Variants in ZBTB4 observed in about 807,000 individuals in gnomAD.
ZBTB4 encodes the protein zinc finger and BTB domain-containing protein 4.
A neutral mutation model predicts 59.8 loss-of-function variants in ZBTB4; 14 were observed. The observed-to-expected ratio is 0.23, with a 90% CI of 0.15 to 0.37. ZBTB4 has a LOEUF of 0.37. Ranked by LOEUF, ZBTB4 falls within the 10% of genes least tolerant of loss-of-function variation. The pLI is 1.00. For missense variants in ZBTB4, 1,198 were observed against 1,380.8 expected, an observed-to-expected ratio of 0.87 and a Z score of 2.10; for synonymous variants, 587 against 575.2, an observed-to-expected ratio of 1.02 and a Z score of -0.29.
chr17:7,477,576 C>G (rs2070286080), intron 1 of ZBTB4, among the ~76,000 whole-genome samples: 1 of 152,180 alleles, frequency 6.6e-6, no homozygotes. Flanking sequence ...TGCACTTGCA[C>G]ACACACCCCT....
At chr17:7,472,348 G>A (rs1377313971) in intron 1 of ZBTB4, among the ~76,000 whole-genome samples, 1 of 151,936 alleles carries the variant, frequency 6.6e-6, no homozygotes, top group Non-Finnish European at 1.5e-5. Flanking sequence ...CTGCCACCAC[G>A]TCCGGCTAAT....
intron 1 of ZBTB4, among the ~76,000 whole-genome samples, chr17:7,476,975 A>G (rs1336516387): frequency 6.6e-6 from 1 of 152,174 alleles, no homozygotes; most frequent in Non-Finnish European, 1.5e-5. Flanking sequence ...TTCACCTCTT[A>G]CTAGCTAAGT....
rs1452528706 is a variant in ZBTB4 at position 7,463,373 on chromosome 17, C to G, written c.1609G>C (p.Ala537Pro). Residue 537 changes from alanine to proline, a missense_variant, in exon 4 of 4, where the codon GCC becomes CCC. Physicochemically the swap from Ala to Pro is conservative, Grantham distance 27. This residue lies in a region of ZBTB4 where 550 missense variants were observed against 541.8 expected (regional missense o/e 1.02). Coordinates refer to ENST00000380599, the MANE Select transcript of ZBTB4 (RefSeq NM_001128833.2). ...PEPAATPTSP[A>P]TAVSPATAAG... Reference sequence around the variant, plus strand: ...GCGGTGGCTGGGCTGACTGCTGTGGCTGGGCTGGTGGGTGTGGCTGCAGGC... The same window carrying G: ...GCGGTGGCTGGGCTGACTGCTGTGGGTGGGCTGGTGGGTGTGGCTGCAGGC... 2 of 1,603,682 alleles carry G rather than the reference C, an allele frequency of 1.2e-6. No homozygotes were observed. Among genetic ancestry groups the G allele is most frequent in the Admixed American group, 3.4e-5 (2 of 58,364 alleles).
chr17:7,482,999 TG>T (rs1293532677), upstream of ZBTB4: 1 of 1,610,540 alleles, frequency 6.2e-7, no homozygotes, highest in Non-Finnish European at 8.5e-7. Flanking sequence ...GGTGGAGGAG[TG>T]AGATAGAACT....
chr17:7,477,833 T>C (rs1381610762), intron 1 of ZBTB4, among the ~76,000 whole-genome samples: 4 of 152,140 alleles, frequency 2.6e-5, no homozygotes, highest in African/African-American at 9.7e-5. Context: ...AAGGAGCCTC[T>C]CTGTCTAAGC....
chr17:7,462,268 TC>T lies in ZBTB4; in HGVS notation c.2713del (p.Asp905ThrfsTer6). The T allele has an allele frequency of 6.2e-7, 1 of 1,613,198 alleles. No homozygotes were observed. The highest frequency in any genetic ancestry group is 8.5e-7 in the Non-Finnish European group (1 of 1,179,728). The part of the protein sequence containing the change: ...SEGPVGAGEG[D>X]RMEGIGAAKV... The stretch of plus-strand genomic sequence containing the variant: ...GGCAGCCCCTATCCCCTCCATCCGG[TC>T]CCCCTCACCAGCCCCCACTGGCCCT... On this transcript the variant is annotated frameshift_variant, in exon 4 of 4. Coordinates refer to ENST00000380599, the MANE Select transcript of ZBTB4 (RefSeq NM_001128833.2). LOFTEE classifies it high-confidence loss of function. This position sits in a 1 kb window ranked among gnomAD's most constrained non-coding sequence, Gnocchi z 7.5.
upstream of ZBTB4, chr17:7,482,079 A>G: frequency 1.2e-6 from 2 of 1,614,162 alleles, no homozygotes; most frequent in Non-Finnish European, 1.7e-6. Context: ...CAGTGCTGCC[A>G]GCCCTCTGAT....
upstream of ZBTB4, among the ~76,000 whole-genome samples, chr17:7,483,762 C>T (rs2070377394): frequency 6.6e-6 from 1 of 152,212 alleles, no homozygotes; most frequent in Non-Finnish European, 1.5e-5. Context: ...GCAGGCCTCC[C>T]AGCTGAAGTC....
At chr17:7,469,959 G>A (rs1027565151) in intron 1 of ZBTB4, among the ~76,000 whole-genome samples, 1 of 151,974 alleles carries the variant, frequency 6.6e-6, no homozygotes, top group Admixed American at 6.6e-5. Context: ...GCAGGCACCT[G>A]TAGTCCCAGC....
chr17:7,474,055 T>C (rs982219393), intron 1 of ZBTB4, among the ~76,000 whole-genome samples: 4 of 151,978 alleles, frequency 2.6e-5, no homozygotes, highest in Non-Finnish European at 4.4e-5. Flanking sequence ...AACCTGGAAC[T>C]ACAGGCATAT....
intron 3 of ZBTB4, among the ~76,000 whole-genome samples, chr17:7,465,467 AAAAAAAAAAAAAAG>A (rs947249453): frequency 6.6e-6 from 1 of 151,234 alleles, no homozygotes; most frequent in African/African-American, 2.4e-5. Flanking sequence ...CTGTCTCAAA[AAAAAAAAAAAAAAG>A]AAAAAAAAAT....
rs2070045957 is a variant in ZBTB4 at position 7,462,822 on chromosome 17, G to A, written c.2160C>T (p.Ala720=). The stretch of plus-strand genomic sequence containing the variant: ...CGCATCGGTGCCTCCGCTCTGTGCG[G>A]GCACGTCCCGCTGGGCTCTCGGCCG... ...TPAAESPAGR[A]RTERRHRCGD... is the part of the protein sequence containing the mutation. Residue 720 remains alanine (A), a synonymous_variant, in exon 4 of 4, where the codon GCC becomes GCT. Transcript: ENST00000380599. This position sits in a 1 kb window ranked among gnomAD's most constrained non-coding sequence, Gnocchi z 7.5. 1 of 1,602,844 alleles carries A rather than the reference G, an allele frequency of 6.2e-7. No individual in the cohort carries two copies. The highest frequency in any genetic ancestry group is 8.5e-7 in the Non-Finnish European group (1 of 1,179,772).
upstream of ZBTB4, among the ~76,000 whole-genome samples, chr17:7,480,616 A>C (rs950476185): frequency 1.3e-5 from 2 of 151,872 alleles, no homozygotes; most frequent in Non-Finnish European, 2.9e-5. Flanking sequence ...GCTACTCGGG[A>C]GGCTGAGGCA....
intron 1 of ZBTB4, among the ~76,000 whole-genome samples, chr17:7,477,645 C>A (rs150588894): frequency 2.6e-5 from 4 of 152,322 alleles, no homozygotes; most frequent in African/African-American, 9.6e-5. Context: ...GCCTAGTGAG[C>A]GAATTCTGTT....
Position 7,462,641 on chromosome 17 carries a change from T to C in ZBTB4, c.2341A>G (p.Ser781Gly), listed in dbSNP as rs777958361. 1 of 1,608,206 alleles carries C rather than the reference T, an allele frequency of 6.2e-7. No homozygotes were observed. Among genetic ancestry groups the C allele is most frequent in the South Asian group, 1.1e-5 (1 of 90,536 alleles). ...GCAGCATGCCTCTGCCCGTGGCGGC[T>C]CAGGGCAGCTGCGGTCTTGCACACC... ...AKVCKTAAAL[S>G]RHGQRHAAER... is the part of the protein sequence containing the mutation. The change falls in exon 4 of 4, where the codon AGC becomes GGC. Residue 781 changes from serine to glycine, a missense_variant. Around this residue, in one of 9 missense-constraint regions of ZBTB4, gnomAD observed 550 missense variants for 541.8 expected, o/e 1.02. Coordinates refer to ENST00000380599, the MANE Select transcript of ZBTB4 (RefSeq NM_001128833.2). The surrounding 1 kb of genome is among the most constrained non-coding windows in gnomAD (Gnocchi z 7.5).
At chr17:7,471,678 A>G (rs985025469) in intron 1 of ZBTB4, among the ~76,000 whole-genome samples, 2 of 152,202 alleles carry the variant, frequency 1.3e-5, no homozygotes, top group African/African-American at 2.4e-5. Flanking sequence ...ATGTGACCCC[A>G]GGCAGGTTAC....
chr17:7,464,657 G>A (rs188153990), intron 3 of ZBTB4, among the ~76,000 whole-genome samples: 3 of 151,998 alleles, frequency 2.0e-5, no homozygotes, highest in Non-Finnish European at 4.4e-5. Context: ...GGCCAACATG[G>A]TGAAACCCTG....
Position 7,460,040 on chromosome 17 carries a change from T to C in ZBTB4, c.*1900A>G, listed in dbSNP as rs1386014581. The C allele has an allele frequency of 3.3e-5, 5 of 152,544 alleles. No individual in the cohort carries two copies. Among genetic ancestry groups the C allele is most frequent in the African/African-American group, 1.2e-4 (5 of 41,394 alleles). The allele number at this position is 152,544 out of a possible 1,614,324, so 9.4% of individuals were successfully genotyped here. A position where few individuals can be genotyped will look rare whatever the true frequency, so the allele number is the denominator to read the frequency against. On this transcript the variant is annotated 3_prime_UTR_variant, in exon 4 of 4. Coordinates refer to ENST00000380599, the MANE Select transcript of ZBTB4 (RefSeq NM_001128833.2). ...ATTTGTGTGTAGATATATATATATGTATTCTTTATTACGTATTTTTTTGCA... is the reference window on the plus strand; with the variant it reads ...ATTTGTGTGTAGATATATATATATGCATTCTTTATTACGTATTTTTTTGCA...
At chr17:7,482,342 A>C, upstream of ZBTB4, 4 of 1,613,978 alleles carry the variant, frequency 2.5e-6, no homozygotes, top group Non-Finnish European at 3.4e-6. Flanking sequence ...ATGTGCCTAC[A>C]GTGCGGTTCA....
Sources: allele counts gnomAD v4.1 joint callset (sites outside exome capture counted in the v4.1 genomes callset), GRCh38; gene constraint gnomAD v4.1.1; regional missense constraint gnomAD v4.1.1; non-coding constraint Gnocchi (gnomAD v3.1); transcripts MANE v1.5; gene names NCBI Gene and HGNC (gene_info 2026-07-23, HGNC 2026-07-21).